Variants in CYP51A1 observed in about 807,000 individuals in gnomAD.
CYP51A1 encodes the protein lanosterol 14-alpha demethylase.
A neutral mutation model predicts 53.5 loss-of-function variants in CYP51A1; 45 were observed. The observed-to-expected ratio is 0.84, with a 90% CI of 0.66 to 1.08. The LOEUF is 1.08. Among genes scored for constraint, CYP51A1 ranks in the 50% least tolerant of loss-of-function variants. The pLI, the probability that CYP51A1 is intolerant of heterozygous loss-of-function variation, is 0.00. For missense variants in CYP51A1, 462 were observed against 621.7 expected, an observed-to-expected ratio of 0.74 and a Z score of 2.73; for synonymous variants, 181 against 217.7, an observed-to-expected ratio of 0.83 and a Z score of 1.48.
intron 8 of CYP51A1, among the ~76,000 whole-genome samples, chr7:92,117,634 T>C (rs1216997406): frequency 2.6e-5 from 4 of 152,206 alleles, no homozygotes; most frequent in Admixed American, 6.5e-5. Flanking sequence ...AAGAAAAATA[T>C]GTACTTTGAT....
At position 92,130,594 on chromosome 7, in the gene CYP51A1, T is replaced by A. The variant is rs565026344; in HGVS notation, c.291+1180A>T. 4.6e-5 allele frequency among the ~76,000 whole-genome samples: 7 copies of A among 152,334 alleles called. No individual in the cohort carries two copies. In the South Asian group the frequency reaches 1.0e-3, roughly 23 times the overall value. The stretch of plus-strand genomic sequence containing the variant: ...ATGATCTTTGTAAAGCACTAAGTAC[T>A]GGCATAAAGTAAGTGTTTGATAATT... On this transcript the variant is annotated intron_variant, in intron 2 of 9. Transcript: ENST00000003100.
chr7:92,125,798 C>T (rs1819787267), intron 5 of CYP51A1, among the ~76,000 whole-genome samples: 1 of 152,134 alleles, frequency 6.6e-6, no homozygotes, highest in South Asian at 2.1e-4. Context: ...GAGTTTGAAA[C>T]CAGCCTGGCC....
chr7:92,123,725 A>T lies in CYP51A1; in HGVS notation c.890+9T>A. The stretch of plus-strand genomic sequence containing the variant: ...CTTCAGCTTAATATGTTATCTGAAT[A>T]GCTCTTACTTGTATGTAGCATCTAG... On this transcript the variant is annotated intron_variant, in intron 6 of 9. Transcript: ENST00000003100. 2 of 1,596,800 alleles carry T rather than the reference A, an allele frequency of 1.3e-6. No homozygotes were observed. The highest frequency in any genetic ancestry group is 2.3e-5 in the South Asian group (2 of 87,862).
At chr7:92,132,125 T>C (rs1412749788) in intron 1 of CYP51A1, among the ~76,000 whole-genome samples, 1 of 152,154 alleles carries the variant, frequency 6.6e-6, no homozygotes, top group African/African-American at 2.4e-5. Context: ...ACTAAGGCAC[T>C]GTAAATTTAA....
intron 1 of CYP51A1, among the ~76,000 whole-genome samples, chr7:92,132,319 G>A (rs1267454503): frequency 6.6e-6 from 1 of 152,088 alleles, no homozygotes. Context: ...TATATAAAAT[G>A]GCAAAGTATT....
At chr7:92,122,249 ACTG>A (rs1003411533) in intron 7 of CYP51A1, among the ~76,000 whole-genome samples, 1 of 72,756 alleles carries the variant, frequency 1.4e-5, no homozygotes, top group Admixed American at 1.3e-4. Flanking sequence ...AGATGATTTC[ACTG>A]CTGAATTTTT....
chr7:92,129,966 G>C (rs1033795047), intron 2 of CYP51A1, among the ~76,000 whole-genome samples: 1 of 152,136 alleles, frequency 6.6e-6, no homozygotes, highest in African/African-American at 2.4e-5. Context: ...AGACCATACA[G>C]AGCCTCATAA....
At position 92,128,820 on chromosome 7, in the gene CYP51A1, T is replaced by A. The variant is rs1190024307; in HGVS notation, c.468+60A>T. 3 of 1,381,484 alleles carry A rather than the reference T, an allele frequency of 2.2e-6. No homozygotes were observed. The East Asian group carries it at 7.1e-5, about 32-fold the overall frequency. 85.6% of individuals were successfully genotyped at this position (1,381,484 alleles called of 1,614,324 possible). A position where few individuals can be genotyped will look rare whatever the true frequency, so the allele number is the denominator to read the frequency against. ...ACATTTTAAATGTATAATGTCTCAC[T>A]ATTAGCTATAACTACTGAGGTATAG... On this transcript the variant is annotated intron_variant, in intron 3 of 9. Coordinates refer to ENST00000003100, the MANE Select transcript of CYP51A1 (RefSeq NM_000786.4).
At chr7:92,117,608 T>G (rs879927508) in intron 8 of CYP51A1, among the ~76,000 whole-genome samples, 19 of 152,184 alleles carry the variant, frequency 1.2e-4, no homozygotes, top group Non-Finnish European at 2.4e-4. Flanking sequence ...TACAACAAAA[T>G]GTTATTTTTA....
chr7:92,113,770 T>C lies in CYP51A1; in HGVS notation c.1425A>G (p.Leu475=), dbSNP rs758226851. The change falls in exon 10 of 10, where the codon TTA becomes TTG. Residue 475 remains leucine (L), a synonymous_variant. Transcript: ENST00000003100. The stretch of plus-strand genomic sequence containing the variant: ...ATCCATCAATGAGATCAAATTCATA[T>C]AAACGAAGCATAGTGGACCAAATTG... ...IKTIWSTMLR[L]YEFDLIDGYF... 2 of 1,613,398 alleles carry C rather than the reference T, an allele frequency of 1.2e-6. No individual in the cohort carries two copies. Among genetic ancestry groups the C allele is most frequent in the Non-Finnish European group, 1.7e-6 (2 of 1,179,610 alleles).
chr7:92,131,579 A>G (rs1188583229), intron 2 of CYP51A1, among the ~76,000 whole-genome samples, 195 bp downstream of exon 2: 1 of 152,252 alleles, frequency 6.6e-6, no homozygotes, highest in Non-Finnish European at 1.5e-5. Flanking sequence ...ACCCCAGGAC[A>G]TGGGAAAAGC....
chr7:92,118,930 A>C (rs1052857392), intron 7 of CYP51A1, among the ~76,000 whole-genome samples: 1 of 152,260 alleles, frequency 6.6e-6, no homozygotes, highest in Admixed American at 6.5e-5. Context: ...AAAGGCTTGC[A>C]ACAATCTAAG....
Position 92,129,060 on chromosome 7 carries a change from A to C in CYP51A1, c.292-4T>G, listed in dbSNP as rs781673970. On this transcript the variant is annotated splice_polypyrimidine_tract_variant and splice_region_variant and intron_variant, in intron 2 of 9. Transcript: ENST00000003100. ...TAAAACTAAATACAGGTCCATACTA[A>C]AAAGAGAAAAGTACATATAGTGATG... 16 of 1,601,546 alleles carry C rather than the reference A, an allele frequency of 1.0e-5. No homozygotes were observed. Among genetic ancestry groups the C allele is most frequent in the Non-Finnish European group, 1.4e-5 (16 of 1,172,858 alleles).
At chr7:92,124,491 A>G (rs1401926290) in intron 5 of CYP51A1, among the ~76,000 whole-genome samples, 2 of 152,232 alleles carry the variant, frequency 1.3e-5, no homozygotes, top group Non-Finnish European at 2.9e-5. Context: ...GCATAAGATC[A>G]CACAGAAAGC....
chr7:92,134,315 C>T lies in CYP51A1; in HGVS notation c.50G>A (p.Gly17Glu), dbSNP rs777085204. The part of the protein sequence containing the change: ...MLLLGLLQAG[G>E]SVLGQAMEKV... ...CTCCATCGCCTGGCCCAGCACCGAC[C>T]CACCCGCCTGCAGCAAGCCCAGCAG... Residue 17 changes from glycine to glutamate, a missense_variant, in exon 1 of 10, where the codon GGG (glycine) becomes GAG (glutamate). Transcript: ENST00000003100. The T allele has an allele frequency of 5.0e-6, 8 of 1,600,162 alleles. No homozygotes were observed. In the African/African-American group the frequency reaches 1.1e-4, roughly 22 times the overall value.
At chr7:92,122,065 T>A (rs922815800) in intron 7 of CYP51A1, among the ~76,000 whole-genome samples, 2 of 152,032 alleles carry the variant, frequency 1.3e-5, no homozygotes, top group African/African-American at 4.8e-5. Context: ...ATTATGAGAA[T>A]ACTATGAACA....
At chr7:92,132,506 C>A in intron 1 of CYP51A1, among the ~76,000 whole-genome samples, 1 of 151,970 alleles carries the variant, frequency 6.6e-6, no homozygotes, top group East Asian at 1.9e-4. Context: ...TATTTTAGAT[C>A]TACACTTGGC....
intron 4 of CYP51A1, among the ~76,000 whole-genome samples, chr7:92,126,740 T>C (rs1819809449): frequency 6.6e-6 from 1 of 152,174 alleles, no homozygotes; most frequent in African/African-American, 2.4e-5. Context: ...AGAAAAAAGG[T>C]TATTTATAGT....
intron 4 of CYP51A1, among the ~76,000 whole-genome samples, chr7:92,127,129 T>C (rs114801935): frequency 1.1e-3 from 160 of 152,370 alleles, no homozygotes; most frequent in African/African-American, 3.5e-3. Context: ...CATCAGTTTC[T>C]TGTATGGTTA....
Sources: allele counts gnomAD v4.1 joint callset (sites outside exome capture counted in the v4.1 genomes callset), GRCh38; gene constraint gnomAD v4.1.1; transcripts MANE v1.5; gene names NCBI Gene and HGNC (gene_info 2026-07-23, HGNC 2026-07-21).